MAMLD1: variants seen among roughly 807,000 people sequenced by gnomAD.
MAMLD1 encodes the protein mastermind-like domain-containing protein 1.
Under a neutral mutation model 45.0 loss-of-function variants are expected in MAMLD1, and 14 were observed. The observed-to-expected ratio is 0.31, with a 90% CI of 0.21 to 0.49. The LOEUF is 0.49. MAMLD1 is among the 20% of genes least tolerant of loss of function. MAMLD1 has a pLI of 0.99. For missense variants in MAMLD1, 543 were observed against 603.6 expected, an observed-to-expected ratio of 0.90 and a Z score of 1.05; for synonymous variants, 254 against 247.8, an observed-to-expected ratio of 1.02 and a Z score of -0.24.
intron 6 of MAMLD1, chrX:150,505,133 C>T: frequency 1.4e-6 from 1 of 716,730 alleles, no homozygotes; most frequent in Non-Finnish European, 1.7e-6. Flanking sequence ...CTGCCGTTTG[C>T]TTTCAGTGGC....
intron 1 of MAMLD1, among the ~76,000 whole-genome samples, chrX:150,364,158 G>T (rs1557400605): frequency 2.7e-5 from 3 of 112,921 alleles, no homozygotes; most frequent in African/African-American, 9.6e-5. Context: ...CAGCCCCGGC[G>T]CCCCTGCGTC....
intron 1 of MAMLD1, among the ~76,000 whole-genome samples, chrX:150,386,386 T>G (rs2032929906): frequency 9.0e-6 from 1 of 111,456 alleles, no homozygotes; most frequent in Non-Finnish European, 1.9e-5. Context: ...GAAGTCCTTA[T>G]GACCCCCTGA....
chrX:150,387,578 T>C (rs1313492562), intron 1 of MAMLD1, among the ~76,000 whole-genome samples: 1 of 112,033 alleles, frequency 8.9e-6, no homozygotes, highest in Non-Finnish European at 1.9e-5. Context: ...AGGACTGTAG[T>C]ATGTGTGGAT....
chrX:150,408,786 T>C (rs2034056196), intron 1 of MAMLD1, among the ~76,000 whole-genome samples: 1 of 112,156 alleles, frequency 8.9e-6, no homozygotes, highest in African/African-American at 3.2e-5. Flanking sequence ...GAGTGGTGGT[T>C]TGCTCAATCA....
intron 1 of MAMLD1, among the ~76,000 whole-genome samples, chrX:150,440,794 TTTGTATTGGGTTTCTCTA>T (rs2035275306): frequency 9.4e-6 from 1 of 106,157 alleles, no homozygotes; most frequent in Non-Finnish European, 1.9e-5. Flanking sequence ...AAGAACTAGA[TTTGTATTGGGTTTCTCTA>T]TTGTTTTTCT....
intron 2 of MAMLD1, among the ~76,000 whole-genome samples, chrX:150,455,783 T>C (rs1382318739): frequency 1.0e-4 from 11 of 106,097 alleles, no homozygotes; most frequent in African/African-American, 2.0e-4. Context: ...TCTTCTTCTT[T>C]TTTTTTTTTT....
In MAMLD1 at chrX:150,383,195, C is replaced by T. The variant is rs1388578372; in HGVS notation, c.-64+19665C>T. ...CTGGGATTACAGGCGTGAGCCACCG[C>T]GCCCGGCCCTGTCCCATTTTAGAGT... On this transcript the variant is annotated intron_variant, in intron 1 of 7. Coordinates refer to ENST00000370401, the MANE Select transcript of MAMLD1 (RefSeq NM_005491.5). Among the ~76,000 whole-genome samples, 16 of 31,125 alleles carry T rather than the reference C, an allele frequency of 5.1e-4. 5 individuals are homozygous for T. The highest frequency in any genetic ancestry group is 4.4e-3 in the African/African-American group (12 of 2,707). 27.0% of individuals were successfully genotyped at this position (31,125 alleles called of 115,157 possible).
Position 150,512,005 on chromosome X carries a change from C to T in MAMLD1, c.*46C>T, listed in dbSNP as rs1229403986. Reference sequence around the variant, plus strand: ...CCACTTCTCTCTTTCTGTATGTAGCCGTCCAAGAACAAGTCACCTCCAAGT... The same window carrying T: ...CCACTTCTCTCTTTCTGTATGTAGCTGTCCAAGAACAAGTCACCTCCAAGT... On this transcript the variant is annotated splice_region_variant and 3_prime_UTR_variant, in exon 8 of 8. Coordinates refer to ENST00000370401, the MANE Select transcript of MAMLD1 (RefSeq NM_005491.5). 60 of 1,075,229 alleles carry T rather than the reference C, an allele frequency of 5.6e-5. No homozygotes were observed. The highest frequency in any genetic ancestry group is 6.9e-5 in the Non-Finnish European group (57 of 831,618). 88.6% of individuals were successfully genotyped at this position (1,075,229 alleles called of 1,213,427 possible).
intron 1 of MAMLD1, among the ~76,000 whole-genome samples, chrX:150,375,292 A>G (rs1453166544): frequency 9.0e-6 from 1 of 111,467 alleles, no homozygotes; most frequent in Non-Finnish European, 1.9e-5. Context: ...GCTCCTCACA[A>G]TAGTGTATTT....
intron 5 of MAMLD1, among the ~76,000 whole-genome samples, chrX:150,496,238 G>C (rs1440015444): frequency 8.9e-6 from 1 of 112,240 alleles, no homozygotes; most frequent in Non-Finnish European, 1.9e-5. Context: ...TTGGGGTGAG[G>C]GTTATGTTTT....
At chrX:150,431,485 G>A (rs2034944294) in intron 1 of MAMLD1, among the ~76,000 whole-genome samples, 1 of 109,636 alleles carries the variant, frequency 9.1e-6, no homozygotes, top group African/African-American at 3.3e-5. Flanking sequence ...CATGTCACAG[G>A]GGTCTGGTGT....
chrX:150,511,913 C>G (rs1324853667), intron 7 of MAMLD1, 91 bp from the exon 8 acceptor site: 23 of 842,309 alleles, frequency 2.7e-5, no homozygotes, highest in African/African-American at 4.2e-5. Flanking sequence ...GTGAGAAGTC[C>G]GTGTTGGGCC....
chrX:150,504,513 C>T, intron 6 of MAMLD1: 1 of 587,153 alleles, frequency 1.7e-6, no homozygotes, highest in Non-Finnish European at 2.1e-6. Context: ...CTCTCAGAGT[C>T]ACAGAGCTCC....
In MAMLD1 at chrX:150,510,001, G is replaced by A; in HGVS notation, c.2324G>A (p.Ter775=). The change falls in exon 7 of 8, where the codon TGA becomes TAA. Residue 775 remains the stop codon, a stop_retained_variant. Transcript: ENST00000370401. The stretch of plus-strand genomic sequence containing the variant: ...ATCAGGTCTTATGGCAATGACCCCT[G>A]AACGGCAGAATGCATATATCTCCCA... ...TEIRSYGNDP[*] is the part of the protein sequence containing the mutation. 1 of 1,207,863 alleles carries A rather than the reference G, an allele frequency of 8.3e-7. No individual in the cohort carries two copies. Among genetic ancestry groups the A allele is most frequent in the Non-Finnish European group, 1.1e-6 (1 of 891,966 alleles).
chrX:150,401,434 T>A (rs12393024), intron 1 of MAMLD1, among the ~76,000 whole-genome samples: 19,631 of 100,751 alleles, frequency 0.19, 1,681 homozygotes, highest in Middle Eastern at 0.26. Flanking sequence ...TACAAACAAA[T>A]GGAAGAACAT....
intron 5 of MAMLD1, among the ~76,000 whole-genome samples, chrX:150,497,283 CTTTTTTT>C (rs782269885): frequency 1.2e-5 from 1 of 85,246 alleles, no homozygotes. Context: ...TCTTTTTTTT[CTTTTTTT>C]TTTTTTTTTT....
chrX:150,445,641 G>C (rs782474376), intron 2 of MAMLD1, 29 bp downstream of exon 2: 1 of 1,034,968 alleles, frequency 9.7e-7, no homozygotes, highest in Admixed American at 2.2e-5. Flanking sequence ...GGGGGAGGGG[G>C]GTATTTAATG....
At chrX:150,499,367 C>G (rs782140759) in intron 5 of MAMLD1, among the ~76,000 whole-genome samples, 14 of 111,873 alleles carry the variant, frequency 1.3e-4, no homozygotes, top group Non-Finnish European at 2.6e-4. Flanking sequence ...TTCCGAATCA[C>G]CAGAGTGGAG....
intron 1 of MAMLD1, among the ~76,000 whole-genome samples, chrX:150,369,557 C>G (rs2031793561): frequency 8.9e-6 from 1 of 112,645 alleles, no homozygotes; most frequent in Admixed American, 9.4e-5. Context: ...AACCCAGAAT[C>G]AGAGACAGCG....
Sources: gnomAD v4.1 joint callset for allele counts (sites outside exome capture counted in the v4.1 genomes callset) on GRCh38, gnomAD v4.1.1 for gene constraint, MANE v1.5 for transcripts, NCBI Gene and HGNC (gene_info 2026-07-23, HGNC 2026-07-21) for gene names.